The following CNGB1 variants were observed in gnomAD, a reference collection of about 807,000 sequenced individuals.
CNGB1 encodes cyclic nucleotide gated channel subunit beta 1, also known as cyclic nucleotide-gated channel beta-1.
In CNGB1, 126 loss-of-function variants were observed where a neutral mutation model predicts 151.7. That is an observed-to-expected ratio of 0.83 (90% CI 0.72 to 0.96). The LOEUF (loss-of-function observed/expected upper bound fraction) is 0.96. CNGB1 is among the 40% of genes least tolerant of loss of function. CNGB1 has a pLI of 0.00. For missense variants in CNGB1, 1,698 were observed against 1,627.0 expected (o/e 1.04, Z -0.75); for synonymous variants, 623 against 635.1 (o/e 0.98, Z 0.29).
At chr16:57,915,369 C>T (rs372863633) in intron 22 of CNGB1, 34 bp from the exon 23 acceptor site, 103 of 1,527,844 alleles carry the variant, frequency 6.7e-5, no homozygotes, top group Admixed American at 3.0e-4. Flanking sequence ...GGGGGTAAAA[C>T]GGATGACTCC....
chr16:57,965,513 G>A (rs1243408629), intron 2 of CNGB1, among the ~76,000 whole-genome samples: 6 of 152,036 alleles, frequency 3.9e-5, no homozygotes, highest in South Asian at 2.1e-4. Flanking sequence ...TCACACACAT[G>A]TGCATATTTG....
chr16:57,958,403 C>CACTG lies in CNGB1; in HGVS notation c.837+3_837+6dup. The CACTG allele has an allele frequency of 6.2e-7, 1 of 1,613,856 alleles. No homozygotes were observed. Among genetic ancestry groups the CACTG allele is most frequent in the South Asian group, 1.1e-5 (1 of 91,082 alleles). On this transcript the variant is annotated splice_region_variant and intron_variant, in intron 11 of 32. Coordinates refer to ENST00000251102, the MANE Select transcript of CNGB1 (RefSeq NM_001297.5). ...CAGGGCCACCACTCCATGAGCCCAG[C>CACTG]ACTGACCTGTTCCCCTATTTTCCCA...
rs747372673 is a variant in CNGB1 at position 57,960,504 on chromosome 16, A to T, written c.561T>A (p.Ala187=). Residue 187 remains alanine, a synonymous_variant, in exon 9 of 33, where the codon GCT becomes GCA. Transcript: ENST00000251102. ...TACCTGGGTCTGAGGCAGCACCTGTAGCAACTGCAGGCTCATCTCTCCAGA... is the reference window on the plus strand; with the variant it reads ...TACCTGGGTCTGAGGCAGCACCTGTTGCAACTGCAGGCTCATCTCTCCAGA... ...SEVWRDEPAV[A]TGAASDPAPP... is the part of the protein sequence containing the mutation. 2.6e-5 allele frequency: 42 copies of T among 1,613,676 alleles called. 1 individual carries two copies. Among genetic ancestry groups the T allele is most frequent in the Middle Eastern group, 3.3e-4 (2 of 6,084 alleles).
chr16:57,952,520 T>G (rs1961977963), intron 12 of CNGB1, among the ~76,000 whole-genome samples: 1 of 126,984 alleles, frequency 7.9e-6, no homozygotes, highest in Non-Finnish European at 1.7e-5. Context: ...TTTTTTTTTT[T>G]GAGACAGAGT....
chr16:57,907,186 C>T (rs1960577107), intron 25 of CNGB1, among the ~76,000 whole-genome samples: 1 of 152,156 alleles, frequency 6.6e-6, no homozygotes, highest in Admixed American at 6.5e-5. Flanking sequence ...AAGGAGGTCC[C>T]AGATAGCTGT....
At chr16:57,908,551 C>T (rs539791302) in intron 25 of CNGB1, among the ~76,000 whole-genome samples, 1 of 152,398 alleles carries the variant, frequency 6.6e-6, no homozygotes, top group South Asian at 2.1e-4. Context: ...GGCAGGGGCT[C>T]AGAGGCATCT....
intron 18 of CNGB1, among the ~76,000 whole-genome samples, chr16:57,922,839 C>A (rs73545150): frequency 1.3e-5 from 2 of 151,930 alleles, no homozygotes; most frequent in African/African-American, 2.4e-5. Context: ...TCTGATCCAG[C>A]GCAGCCAGGT....
At chr16:57,919,906 T>C (rs1213273196) in intron 19 of CNGB1, among the ~76,000 whole-genome samples, 2 of 152,134 alleles carry the variant, frequency 1.3e-5, no homozygotes, top group Non-Finnish European at 2.9e-5. Flanking sequence ...TCTGGAAAGA[T>C]CTAAAAAATC....
At chr16:57,927,002 TAAAAC>T (rs1172039076) in intron 17 of CNGB1, among the ~76,000 whole-genome samples, 20 of 151,736 alleles carry the variant, frequency 1.3e-4, no homozygotes, top group African/African-American at 3.9e-4. Context: ...CAAAACAAAA[TAAAAC>T]AAAACAAAAC....
At position 57,882,385 on chromosome 16, in the gene CNGB1, T is replaced by C. The variant is rs1959779148; in HGVS notation, c.*1779A>G. On this transcript the variant is annotated 3_prime_UTR_variant, in exon 33 of 33. Transcript: ENST00000251102. ...TAAGGTCAATCATCACTATATTCAA[T>C]GTGATGATTACCCGGATCACGTGAC... The C allele has an allele frequency of 6.6e-6, 1 of 152,086 alleles. No individual in the cohort carries two copies. Among genetic ancestry groups the C allele is most frequent in the South Asian group, 2.1e-4 (1 of 4,824 alleles). The allele number at this position is 152,086 out of a possible 1,614,324, so 9.4% of individuals were successfully genotyped here.
At chr16:57,919,728 CAG>C (rs1284955608) in intron 19 of CNGB1, among the ~76,000 whole-genome samples, 1 of 152,186 alleles carries the variant, frequency 6.6e-6, no homozygotes, top group Non-Finnish European at 1.5e-5. Flanking sequence ...TCTCTAAAAA[CAG>C]AGACCAGATG....
At position 57,916,190 on chromosome 16, in the gene CNGB1, G is replaced by T. The variant is rs761969337; in HGVS notation, c.2167-11C>A. ...GTCCTTTTTGTCCGTCTGAAAGAAAGGGAATGATGATGGTGAAATGACCTT... is the reference window on the plus strand; with the variant it reads ...GTCCTTTTTGTCCGTCTGAAAGAAATGGAATGATGATGGTGAAATGACCTT... On this transcript the variant is annotated splice_polypyrimidine_tract_variant and intron_variant, in intron 21 of 32. Transcript: ENST00000251102. The T allele has an allele frequency of 6.2e-7, 1 of 1,612,800 alleles. No homozygotes were observed. Among genetic ancestry groups the T allele is most frequent in the Non-Finnish European group, 8.5e-7 (1 of 1,178,778 alleles).
intron 31 of CNGB1, among the ~76,000 whole-genome samples, chr16:57,894,149 G>A (rs557361617): frequency 4.6e-4 from 70 of 152,226 alleles, no homozygotes; most frequent in Non-Finnish European, 9.3e-4. Context: ...TACCCTAAAT[G>A]TCCATTTACA....
rs912058169 is a variant in CNGB1, at chr16:57,905,755, C to T, written c.2493-880G>A. ...TTTGGCCCTTCTGCCTTCTTCCATA[C>T]GAGGACAGCATTCCTCTCCTCTAGT... On this transcript the variant is annotated intron_variant, in intron 25 of 32. Coordinates refer to ENST00000251102, the MANE Select transcript of CNGB1 (RefSeq NM_001297.5). 7.2e-5 allele frequency among the ~76,000 whole-genome samples: 11 copies of T among 152,364 alleles called. 1 individual carries two copies. The highest frequency in any genetic ancestry group is 3.4e-3 in the Middle Eastern group (1 of 294).
intron 1 of CNGB1, among the ~76,000 whole-genome samples, chr16:57,968,083 A>G (rs879290711): frequency 6.6e-6 from 1 of 152,338 alleles, no homozygotes; most frequent in Admixed American, 6.5e-5. Flanking sequence ...GCCTGCTCTG[A>G]AGTCAAGTCA....
intron 31 of CNGB1, among the ~76,000 whole-genome samples, chr16:57,894,683 A>C (rs1213113753): frequency 6.6e-6 from 1 of 152,222 alleles, no homozygotes; most frequent in East Asian, 1.9e-4. Flanking sequence ...AAATTGATGC[A>C]ACGAGCCACG....
At chr16:57,936,551 G>A (rs1340939118) in intron 16 of CNGB1, among the ~76,000 whole-genome samples, 3 of 152,300 alleles carry the variant, frequency 2.0e-5, no homozygotes, top group South Asian at 2.1e-4. Flanking sequence ...CCAGCACTTT[G>A]GGAGGCCGAG....
At chr16:57,894,744 C>T (rs75004127) in intron 31 of CNGB1, among the ~76,000 whole-genome samples, 232 of 152,242 alleles carry the variant, frequency 1.5e-3, no homozygotes, top group African/African-American at 5.3e-3. Context: ...AGAGTTGGGA[C>T]GCTTTTCTGA....
intron 14 of CNGB1, among the ~76,000 whole-genome samples, chr16:57,944,076 C>T (rs1436501514): frequency 6.6e-6 from 1 of 151,670 alleles, no homozygotes; most frequent in African/African-American, 2.4e-5. Context: ...TTAGTAGAGT[C>T]GGGGTTTCAC....
Sources: allele counts gnomAD v4.1 joint callset (sites outside exome capture counted in the v4.1 genomes callset), GRCh38; gene constraint gnomAD v4.1.1; transcripts MANE v1.5; gene names NCBI Gene and HGNC (gene_info 2026-07-23, HGNC 2026-07-21).